Variants in EXO1 observed in about 807,000 individuals in gnomAD.
EXO1 encodes exonuclease 1.
In EXO1, 69 loss-of-function variants were observed where a neutral mutation model predicts 84.5. The ratio of observed to expected loss-of-function variants is 0.82; its 90% CI spans 0.67 to 1.00. The LOEUF is 1.00. Ranked by LOEUF, EXO1 falls within the 50% of genes least tolerant of loss-of-function variation. The probability of loss-of-function intolerance (pLI) is 0.00; values close to 1 mark genes in which losing one functional copy is unlikely to be tolerated. For missense variants in EXO1, 1,045 were observed against 1,000.7 expected (o/e 1.04, Z -0.60); for synonymous variants, 373 against 366.1 (o/e 1.02, Z -0.21).
chr1:241,859,400 A>C (rs1661246966), intron 8 of EXO1, among the ~76,000 whole-genome samples: 2 of 152,212 alleles, frequency 1.3e-5, no homozygotes, highest in Non-Finnish European at 2.9e-5. Context: ...CCCGGCAGGC[A>C]AGTGAAAAAT....
rs1574153639 is a variant in EXO1 at position 241,865,539 on chromosome 1, C to T, written c.1042-1291C>T. 2.0e-5 allele frequency among the ~76,000 whole-genome samples: 3 copies of T among 152,212 alleles called. No homozygotes were observed. In the East Asian group the frequency reaches 5.8e-4, roughly 29 times the overall value. ...AATTTCATTAAGAATGATTCTTAAG[C>T]TTTTCCTTTGTCTCAGAAACTCAAA... On this transcript the variant is annotated intron_variant, in intron 10 of 15. Transcript: ENST00000366548.
Position 241,857,455 on chromosome 1 carries a change from G to A in EXO1, c.516G>A (p.Ser172=), listed in dbSNP as rs774681741. 34 of 1,613,640 alleles carry A rather than the reference G, an allele frequency of 2.1e-5. No individual in the cohort carries two copies. The South Asian group carries it at 2.6e-4, about 13-fold the overall frequency. Residue 172 remains serine, a synonymous_variant, in exon 7 of 16, where the codon TCG becomes TCA. Transcript: ENST00000366548. ...GIVQAIITED[S]DLLAFGCKKV... Reference sequence around the variant, plus strand: ...TGCAAGCCATAATTACAGAGGACTCGGATCTCCTAGCTTTTGGCTGTAAAA... The same window carrying A: ...TGCAAGCCATAATTACAGAGGACTCAGATCTCCTAGCTTTTGGCTGTAAAA...
chr1:241,875,687 G>A (rs1031832940), intron 12 of EXO1, among the ~76,000 whole-genome samples: 1 of 152,104 alleles, frequency 6.6e-6, no homozygotes, highest in South Asian at 2.1e-4. Context: ...GACCATCCTG[G>A]CTAACATGGT....
chr1:241,884,485 A>G (rs1662931467), intron 14 of EXO1, among the ~76,000 whole-genome samples: 1 of 152,212 alleles, frequency 6.6e-6, no homozygotes. Flanking sequence ...GGTTTGTTTA[A>G]GTAAGTTATG....
chr1:241,881,848 G>T, intron 13 of EXO1, 68 bp from the exon 14 acceptor site: 1 of 765,482 alleles, frequency 1.3e-6, no homozygotes, highest in Non-Finnish European at 2.3e-6. Context: ...TTGAATATTA[G>T]TTTGTTGTCA....
chr1:241,860,765 ATTT>A, intron 9 of EXO1, 61 bp downstream of exon 9: 1 of 1,402,770 alleles, frequency 7.1e-7, no homozygotes, highest in Non-Finnish European at 1.0e-6. Context: ...TTTTATGGTG[ATTT>A]TTTTGTGAGG....
At chr1:241,860,393 T>C in intron 8 of EXO1, 124 bp from the exon 9 acceptor site, 4 of 766,792 alleles carry the variant, frequency 5.2e-6, no homozygotes, top group Non-Finnish European at 9.0e-6. Flanking sequence ...GGTAGAATTT[T>C]TTAATGTAGA....
At chr1:241,864,189 G>A (rs1337385169) in intron 10 of EXO1, among the ~76,000 whole-genome samples, 1 of 152,142 alleles carries the variant, frequency 6.6e-6, no homozygotes, top group South Asian at 2.1e-4. Flanking sequence ...CTTCATTCTT[G>A]GATGATGTGG....
intron 9 of EXO1, among the ~76,000 whole-genome samples, chr1:241,861,179 C>CAGT (rs1661361716): frequency 6.6e-6 from 1 of 152,218 alleles, no homozygotes; most frequent in Non-Finnish European, 1.5e-5. Context: ...GGCAGGGAGT[C>CAGT]AGTGATGGCC....
chr1:241,889,596 A>G lies in EXO1; in HGVS notation c.2537A>G (p.Gln846Arg). The change falls in exon 16 of 16, where the codon CAG becomes CGG. Residue 846 changes from glutamine to arginine, a missense_variant. Physicochemically the swap from Gln to Arg is conservative, Grantham distance 43. Transcript: ENST00000366548. ...ECGRVQRAIFQ is the reference protein window; with the variant it reads ...ECGRVQRAIFR ...GGCCGTGTTCAAAGAGCAATATTCC[A>G]GTAAATGCAGACTGCTGCAAAGCTT... The G allele has an allele frequency of 4.3e-6, 7 of 1,614,042 alleles. No individual in the cohort carries two copies. Among genetic ancestry groups the G allele is most frequent in the Non-Finnish European group, 5.9e-6 (7 of 1,179,920 alleles).
Position 241,881,332 on chromosome 1 carries a change from T to C in EXO1, c.2110-584T>C, listed in dbSNP as rs549669442. Among the ~76,000 whole-genome samples the C allele has an allele frequency of 2.1e-4, 32 of 152,144 alleles. No individual in the cohort carries two copies. The East Asian group carries it at 5.4e-3, about 26-fold the overall frequency. On this transcript the variant is annotated intron_variant, in intron 13 of 15. Transcript: ENST00000366548. ...CAGGCATGAGCCACCGCCCCTGGCC[T>C]TACTGTCCTCTTTTATTTGACTTTC... is the stretch of plus-strand genomic sequence containing the variant.
intron 12 of EXO1, among the ~76,000 whole-genome samples, chr1:241,878,374 G>A (rs558789210): frequency 6.6e-6 from 1 of 152,106 alleles, no homozygotes; most frequent in South Asian, 2.1e-4. Flanking sequence ...GCGCATGCCT[G>A]TAATCCCACC....
upstream of EXO1, chr1:241,848,196 G>C (rs1255184266): frequency 6.6e-6 from 1 of 152,324 alleles, no homozygotes; most frequent in African/African-American, 2.4e-5. The surrounding 1 kb of genome is among the most constrained non-coding windows in gnomAD (Gnocchi z 4.2). Flanking sequence ...CGCGCAAATT[G>C]AAAGGTCAGC....
chr1:241,875,774 A>T (rs1662366215), intron 12 of EXO1, among the ~76,000 whole-genome samples: 1 of 152,224 alleles, frequency 6.6e-6, no homozygotes, highest in African/African-American at 2.4e-5. Context: ...GCTGTTTGGG[A>T]GGCTGAGGCA....
In EXO1 at chr1:241,848,680, T is replaced by C. The variant is rs1439967585; in HGVS notation, c.-419-51T>C. ...CTGGCAGTCCAGGTTTTACATGCAA[T>C]CTCTCCACCTTTAAATGTTGACAAG... On this transcript the variant is annotated intron_variant, in intron 1 of 15. Coordinates refer to ENST00000366548, the MANE Select transcript of EXO1 (RefSeq NM_130398.4). This position sits in a 1 kb window ranked among gnomAD's most constrained non-coding sequence, Gnocchi z 4.2. The C allele has an allele frequency of 1.3e-5, 2 of 152,200 alleles. No individual in the cohort carries two copies. The highest frequency in any genetic ancestry group is 2.9e-5 in the Non-Finnish European group (2 of 68,050). 9.4% of individuals were successfully genotyped at this position (152,200 alleles called of 1,614,324 possible).
chr1:241,859,673 A>C (rs1661262654), intron 8 of EXO1, among the ~76,000 whole-genome samples: 1 of 152,238 alleles, frequency 6.6e-6, no homozygotes, highest in Non-Finnish European at 1.5e-5. Flanking sequence ...GGTGCCAAGC[A>C]TTTTGGATAA....
intron 14 of EXO1, among the ~76,000 whole-genome samples, chr1:241,883,825 T>C (rs1241350186): frequency 6.6e-6 from 1 of 152,170 alleles, no homozygotes; most frequent in Non-Finnish European, 1.5e-5. Context: ...GAAAGATACA[T>C]GCAGAATTAT....
At chr1:241,857,022 G>GT (rs1661087952) in intron 6 of EXO1, among the ~76,000 whole-genome samples, 1 of 152,174 alleles carries the variant, frequency 6.6e-6, no homozygotes, top group Non-Finnish European at 1.5e-5. Flanking sequence ...TCCAGCCTGG[G>GT]TGACAGAGCC....
At chr1:241,889,413 T>C (rs998041127) in intron 15 of EXO1, 52 bp from the exon 16 acceptor site, 2 of 1,527,916 alleles carry the variant, frequency 1.3e-6, no homozygotes, top group African/African-American at 1.4e-5. Flanking sequence ...ATATTTCTTC[T>C]CTAATAATCA....
Sources: gnomAD v4.1 joint callset for allele counts (sites outside exome capture counted in the v4.1 genomes callset) on GRCh38, gnomAD v4.1.1 for gene constraint, Gnocchi (gnomAD v3.1) non-coding constraint, MANE v1.5 for transcripts, NCBI Gene and HGNC (gene_info 2026-07-23, HGNC 2026-07-21) for gene names.